Variants in COL9A1 observed in about 807,000 individuals in gnomAD.
COL9A1 encodes the protein collagen alpha-1(IX) chain.
A neutral mutation model predicts 142.6 loss-of-function variants in COL9A1; 104 were observed. The ratio of observed to expected loss-of-function variants is 0.73; its 90% CI spans 0.62 to 0.86. The LOEUF (loss-of-function observed/expected upper bound fraction) is 0.86, where lower values mean the gene tolerates loss of function less well. COL9A1 is among the 40% of genes least tolerant of loss of function. The pLI is 0.00. For missense variants in COL9A1, 1,210 were observed against 1,176.6 expected, an observed-to-expected ratio of 1.03 and a Z score of -0.42; for synonymous variants, 466 against 396.0, an observed-to-expected ratio of 1.18 and a Z score of -2.10.
At chr6:70,299,908 A>C (rs1215096578) in intron 4 of COL9A1, 135 bp downstream of exon 4, 2 of 826,764 alleles carry the variant, frequency 2.4e-6, no homozygotes. Flanking sequence ...TAGGCAGGTA[A>C]ATAAATTTCT....
Position 70,294,395 on chromosome 6 carries a change from T to A in COL9A1, c.468A>T (p.Ser156=), listed in dbSNP as rs535866098. Residue 156 remains serine, a synonymous_variant, in exon 5 of 38, where the codon TCA becomes TCT. Coordinates refer to ENST00000357250, the MANE Select transcript of COL9A1 (RefSeq NM_001851.6). ...INGQTQSVVF[S]YKGLDGSLQT... is the part of the protein sequence containing the mutation. ...GGAGACTTCCATCCAGTCCCTTGTA[T>A]GAAAATACAACAGATTGTGTTTGGC... is the stretch of plus-strand genomic sequence containing the variant. The A allele has an allele frequency of 1.2e-6, 2 of 1,614,128 alleles. No homozygotes were observed. Among genetic ancestry groups the A allele is most frequent in the Non-Finnish European group, 8.5e-7 (1 of 1,179,990 alleles).
intron 19 of COL9A1, 53 bp from the exon 20 acceptor site, chr6:70,260,763 A>G: frequency 1.1e-5 from 18 of 1,577,080 alleles, no homozygotes; most frequent in Non-Finnish European, 1.6e-5. Context: ...AAAGATTTTT[A>G]AAAATCTCAT....
In COL9A1 at chr6:70,256,841, T is replaced by C; in HGVS notation, c.1450-20A>G. ...AGCACCCTGCAAAAAAACAAGACAA[T>C]GGAAAAAAACTGAGATCAGTCATGT... On this transcript the variant is annotated intron_variant, in intron 20 of 37. Transcript: ENST00000357250. 6.2e-7 allele frequency: 1 copy of C among 1,612,810 alleles called. No homozygotes were observed. Among genetic ancestry groups the C allele is most frequent in the Non-Finnish European group, 8.5e-7 (1 of 1,179,388 alleles).
At chr6:70,261,188 G>A in intron 19 of COL9A1, 1 of 161,642 alleles carries the variant, frequency 6.2e-6, no homozygotes. Flanking sequence ...AAAGGAGCTG[G>A]AGCCTCCATC....
At chr6:70,256,715 T>C (rs1205837382) in intron 21 of COL9A1, 53 bp downstream of exon 21, 197 of 1,476,678 alleles carry the variant, frequency 1.3e-4, no homozygotes, top group Non-Finnish European at 1.7e-4. Context: ...CATGCATACA[T>C]AGCAAAAAAA....
chr6:70,254,599 A>G (rs1771152879), intron 24 of COL9A1, 70 bp from the exon 25 acceptor site: 2 of 1,425,914 alleles, frequency 1.4e-6, no homozygotes, highest in East Asian at 2.3e-5. Flanking sequence ...GAAACGGAGG[A>G]GCACAGACGT....
rs1458155787 is a variant in COL9A1, at chr6:70,240,815, C to T, written c.2035-82G>A. 6.7e-6 allele frequency: 7 copies of T among 1,037,434 alleles called. No homozygotes were observed. The East Asian group carries it at 1.7e-4, about 25-fold the overall frequency. 64.3% of individuals were successfully genotyped at this position (1,037,434 alleles called of 1,614,324 possible). On this transcript the variant is annotated intron_variant, in intron 31 of 37. Coordinates refer to ENST00000357250, the MANE Select transcript of COL9A1 (RefSeq NM_001851.6). ...TAACCAGTAAACATTGATAAGCATT[C>T]ATAAGTGCCCACAGTGTTCCCAGAA...
chr6:70,267,420 T>A (rs1772098446), intron 17 of COL9A1, among the ~76,000 whole-genome samples: 2 of 147,344 alleles, frequency 1.4e-5, no homozygotes, highest in Admixed American at 1.4e-4. Context: ...CCTCCTGGGT[T>A]CAAGCAATTC....
At chr6:70,298,182 A>G (rs963086306) in intron 4 of COL9A1, among the ~76,000 whole-genome samples, 57 of 152,306 alleles carry the variant, frequency 3.7e-4, no homozygotes, top group African/African-American at 1.2e-3. Flanking sequence ...ATATACATGC[A>G]TTTTCTCCTT....
intron 4 of COL9A1, among the ~76,000 whole-genome samples, chr6:70,299,050 G>T (rs1773955367): frequency 1.3e-5 from 2 of 152,108 alleles, no homozygotes; most frequent in Admixed American, 1.3e-4. Flanking sequence ...ATATCACAGG[G>T]TTGTGATGAG....
At chr6:70,302,814 T>TA (rs1196458685) in intron 1 of COL9A1, 97 bp downstream of exon 1, 2 of 1,311,282 alleles carry the variant, frequency 1.5e-6, no homozygotes, top group Non-Finnish European at 2.2e-6. Context: ...GAGGCTCACC[T>TA]ACTCTCATCT....
At position 70,300,342 on chromosome 6, in the gene COL9A1, G is replaced by A; in HGVS notation, c.133C>T (p.Pro45Ser). The change falls in exon 3 of 38, where the codon CCA becomes TCA. Residue 45 changes from proline (P) to serine (S), a missense_variant. By Grantham distance (74) the Pro-to-Ser change is moderately conservative (BLOSUM62 -1). Coordinates refer to ENST00000357250, the MANE Select transcript of COL9A1 (RefSeq NM_001851.6). Reference protein sequence around the residue: ...SNSNGGNELCPKIRIGQDDLP... With the variant: ...SNSNGGNELCSKIRIGQDDLP... The stretch of plus-strand genomic sequence containing the variant: ...TCATCTTGGCCAATCCTGATCTTTG[G>A]ACAGAGTTCATTTCCACCATTAGAA... 2 of 1,613,546 alleles carry A rather than the reference G, an allele frequency of 1.2e-6. No individual in the cohort carries two copies. Among genetic ancestry groups the A allele is most frequent in the African/African-American group, 1.3e-5 (1 of 74,896 alleles).
chr6:70,256,433 A>G (rs1771301856), intron 21 of COL9A1, among the ~76,000 whole-genome samples: 1 of 152,194 alleles, frequency 6.6e-6, no homozygotes, highest in Non-Finnish European at 1.5e-5. Context: ...GAAACCATAG[A>G]AAACAAAAAA....
chr6:70,294,567 A>G lies in COL9A1; in HGVS notation c.300-4T>C. The G allele has an allele frequency of 6.2e-7, 1 of 1,613,730 alleles. No individual in the cohort carries two copies. Among genetic ancestry groups the G allele is most frequent in the Non-Finnish European group, 8.5e-7 (1 of 1,179,782 alleles). ...CAGTCCACTGGGATATAAATTCCTG[A>G]GTAAAATTTTTAAATAGTAAACATG... On this transcript the variant is annotated splice_region_variant and splice_polypyrimidine_tract_variant and intron_variant, in intron 4 of 37. Transcript: ENST00000357250.
In COL9A1 at chr6:70,281,052, G is replaced by C; in HGVS notation, c.877-13C>G. 1 of 1,603,280 alleles carries C rather than the reference G, an allele frequency of 6.2e-7. No homozygotes were observed. ...GACCTCGGTCACCCTGGAGGGGTAGGAGAAAAAGAGAGAGCAGTCTATGAG... is the reference window on the plus strand; with the variant it reads ...GACCTCGGTCACCCTGGAGGGGTAGCAGAAAAAGAGAGAGCAGTCTATGAG... On this transcript the variant is annotated splice_polypyrimidine_tract_variant and intron_variant, in intron 8 of 37. Transcript: ENST00000357250.
intron 37 of COL9A1, 90 bp downstream of exon 37, chr6:70,225,839 AAAT>A: frequency 1.0e-6 from 1 of 953,426 alleles, no homozygotes; most frequent in Non-Finnish European, 1.7e-6. Context: ...TTAAGTGATC[AAAT>A]AACAATTATT....
At position 70,240,621 on chromosome 6, in the gene COL9A1, TATATATATACTTCTAACAGTTCAA is replaced by T. The variant is rs1239756267; in HGVS notation, c.2079+44_2079+67del. 3 of 1,049,590 alleles carry T rather than the reference TATATATATACTTCTAACAGTTCAA, an allele frequency of 2.9e-6. No homozygotes were observed. In the South Asian group the frequency reaches 3.9e-5, roughly 14 times the overall value. 65.0% of individuals were successfully genotyped at this position (1,049,590 alleles called of 1,614,324 possible). A position where few individuals can be genotyped will look rare whatever the true frequency, so the allele number is the denominator to read the frequency against. ...CCAATTTTGAACTGTGTTAGAAGTA[TATATATATACTTCTAACAGTTCAA>T]AATTGGTAAAGCTTCATCATTAACC... On this transcript the variant is annotated intron_variant, in intron 32 of 37. Coordinates refer to ENST00000357250, the MANE Select transcript of COL9A1 (RefSeq NM_001851.6).
intron 28 of COL9A1, among the ~76,000 whole-genome samples, chr6:70,243,026 G>T (rs1040654): frequency 6.6e-6 from 1 of 152,192 alleles, no homozygotes; most frequent in Non-Finnish European, 1.5e-5. Context: ...CCCTCACTTA[G>T]ATTATGTGTT....
At chr6:70,284,695 C>T (rs73475861) in intron 5 of COL9A1, among the ~76,000 whole-genome samples, 2,937 of 152,272 alleles carry the variant, frequency 0.019, 78 homozygotes, top group African/African-American at 0.067. Context: ...CCTATAGCCA[C>T]AAACCATGCT....
Sources: gnomAD v4.1 joint callset for allele counts (sites outside exome capture counted in the v4.1 genomes callset) on GRCh38, gnomAD v4.1.1 for gene constraint, MANE v1.5 for transcripts, NCBI Gene and HGNC (gene_info 2026-07-23, HGNC 2026-07-21) for gene names.